Variants in ENOX2 observed in about 807,000 individuals in gnomAD.
ENOX2 encodes the protein APK1 antigen.
A neutral mutation model predicts 45.0 loss-of-function variants in ENOX2; 36 were observed. The observed-to-expected ratio is 0.80, with a 90% CI of 0.61 to 1.06. The LOEUF is 1.06. Ranked by LOEUF, ENOX2 falls within the 50% of genes least tolerant of loss-of-function variation. The probability of loss-of-function intolerance (pLI) is 0.00; values close to 1 mark genes in which losing one functional copy is unlikely to be tolerated. For missense variants in ENOX2, 423 were observed against 462.5 expected, an observed-to-expected ratio of 0.91 and a Z score of 0.78; for synonymous variants, 174 against 152.3, an observed-to-expected ratio of 1.14 and a Z score of -1.05.
chrX:130,848,225 T>C (rs1007992584), intron 2 of ENOX2, among the ~76,000 whole-genome samples: 1 of 110,951 alleles, frequency 9.0e-6, no homozygotes, highest in Non-Finnish European at 1.9e-5. Context: ...TAAATAAAGA[T>C]GAACACCTGA....
At chrX:130,638,074 T>G (rs1440665962) in intron 10 of ENOX2, among the ~76,000 whole-genome samples, 1 of 107,838 alleles carries the variant, frequency 9.3e-6, no homozygotes, top group African/African-American at 3.4e-5. Context: ...TTCCTTTTTT[T>G]TTTTTCTTTT....
At chrX:130,745,025 G>A (rs1376922709) in intron 3 of ENOX2, among the ~76,000 whole-genome samples, 1 of 111,438 alleles carries the variant, frequency 9.0e-6, no homozygotes, top group African/African-American at 3.3e-5. Flanking sequence ...GTTTCATCCC[G>A]AGACCATACC....
At chrX:130,627,637 G>A (rs943239505) in intron 14 of ENOX2, among the ~76,000 whole-genome samples, 2 of 111,884 alleles carry the variant, frequency 1.8e-5, no homozygotes, top group Middle Eastern at 4.7e-3. Context: ...CAGCTTACAG[G>A]TAAATTAAGA....
intron 2 of ENOX2, among the ~76,000 whole-genome samples, chrX:130,826,835 T>G (rs909426607): frequency 8.9e-6 from 1 of 111,885 alleles, no homozygotes; most frequent in East Asian, 2.8e-4. Context: ...TCAAATCACA[T>G]AGACCAGTGG....
At chrX:130,643,169 TA>T (rs1001703939) in intron 10 of ENOX2, among the ~76,000 whole-genome samples, 13 of 110,576 alleles carry the variant, frequency 1.2e-4, no homozygotes, top group Non-Finnish European at 1.5e-4. Flanking sequence ...GGGAAACCAT[TA>T]AAAAATGTGA....
intron 3 of ENOX2, among the ~76,000 whole-genome samples, chrX:130,775,592 C>T (rs2039837624): frequency 9.1e-6 from 1 of 109,813 alleles, no homozygotes. Flanking sequence ...CACAGGCCAT[C>T]ACTCTCAAGG....
intron 2 of ENOX2, among the ~76,000 whole-genome samples, chrX:130,851,354 G>T (rs1404401935): frequency 9.0e-6 from 1 of 111,289 alleles, no homozygotes; most frequent in Non-Finnish European, 1.9e-5. Context: ...CCAAGTAGCT[G>T]GGACTACAGG....
chrX:130,811,202 T>C (rs999618135), intron 2 of ENOX2, among the ~76,000 whole-genome samples: 7 of 110,868 alleles, frequency 6.3e-5, no homozygotes, highest in Admixed American at 2.9e-4. Context: ...GGCTTCAGGC[T>C]CATCCCAGTG....
At chrX:130,846,499 G>T (rs967789076) in intron 2 of ENOX2, among the ~76,000 whole-genome samples, 1 of 111,014 alleles carries the variant, frequency 9.0e-6, no homozygotes, top group Non-Finnish European at 1.9e-5. Flanking sequence ...CACCACGCCC[G>T]CCTAATTTTG....
chrX:130,683,598 C>T (rs1003359842), intron 5 of ENOX2, among the ~76,000 whole-genome samples: 1 of 111,200 alleles, frequency 9.0e-6, no homozygotes. Context: ...ACTGTTATTT[C>T]CCAGTAGACT....
At chrX:130,720,420 C>T (rs1025261902) in intron 3 of ENOX2, among the ~76,000 whole-genome samples, 2 of 112,333 alleles carry the variant, frequency 1.8e-5, no homozygotes, top group African/African-American at 6.5e-5. Flanking sequence ...CCTGCTCTTT[C>T]CATGATGGCA....
intron 12 of ENOX2, among the ~76,000 whole-genome samples, chrX:130,633,362 T>G (rs977479955): frequency 3.5e-5 from 4 of 112,753 alleles, no homozygotes; most frequent in African/African-American, 1.3e-4. Flanking sequence ...TTGTGTCAGG[T>G]TGAAATATTT....
At chrX:130,725,791 A>G (rs2038591172) in intron 3 of ENOX2, among the ~76,000 whole-genome samples, 1 of 111,418 alleles carries the variant, frequency 9.0e-6, no homozygotes, top group Non-Finnish European at 1.9e-5. Flanking sequence ...CTGCATCTCT[A>G]GAGGTGATAG....
At chrX:130,756,593 C>T (rs1476713511) in intron 3 of ENOX2, among the ~76,000 whole-genome samples, 1 of 112,237 alleles carries the variant, frequency 8.9e-6, no homozygotes, top group Non-Finnish European at 1.9e-5. Context: ...GGGCCCTCCA[C>T]TGAAGCTGCT....
intron 2 of ENOX2, among the ~76,000 whole-genome samples, chrX:130,857,036 A>G (rs750496595): frequency 8.9e-6 from 1 of 112,075 alleles, no homozygotes; most frequent in Non-Finnish European, 1.9e-5. Context: ...CATAATACAG[A>G]GAAAAATTGG....
intron 2 of ENOX2, among the ~76,000 whole-genome samples, chrX:130,891,808 T>G (rs1308302988): frequency 8.9e-6 from 1 of 111,843 alleles, no homozygotes; most frequent in Non-Finnish European, 1.9e-5. Flanking sequence ...AGTGAATAAA[T>G]TACATGCTGA....
At chrX:130,824,304 C>A (rs1411605166) in intron 2 of ENOX2, among the ~76,000 whole-genome samples, 2 of 111,856 alleles carry the variant, frequency 1.8e-5, no homozygotes, top group Non-Finnish European at 3.8e-5. Flanking sequence ...CAGCAGATGT[C>A]TAGATCTTTT....
At chrX:130,710,127 T>C (rs1414009848) in intron 3 of ENOX2, among the ~76,000 whole-genome samples, 1 of 112,379 alleles carries the variant, frequency 8.9e-6, no homozygotes, top group South Asian at 3.7e-4. Context: ...TTTATGTATA[T>C]TAATTTAAAA....
intron 1 of ENOX2, among the ~76,000 whole-genome samples, chrX:130,902,721 C>A (rs1331794902): frequency 2.0e-5 from 2 of 102,185 alleles, no homozygotes; most frequent in Non-Finnish European, 3.9e-5. Context: ...AAACCCTGGA[C>A]GCAAACCCCA....
Sources: gnomAD v4.1 joint callset for allele counts (sites outside exome capture counted in the v4.1 genomes callset) on GRCh38, gnomAD v4.1.1 for gene constraint, MANE v1.5 for transcripts, NCBI Gene and HGNC (gene_info 2026-07-23, HGNC 2026-07-21) for gene names.